RYR2: variants seen among roughly 807,000 people sequenced by gnomAD.
RYR2 encodes ryanodine receptor 2.
A neutral mutation model predicts 601.1 loss-of-function variants in RYR2; 227 were observed. The ratio of observed to expected loss-of-function variants is 0.38; its 90% CI spans 0.34 to 0.42. The LOEUF is 0.42. Among genes scored for constraint, RYR2 ranks in the 10% least tolerant of loss-of-function variants. RYR2 has a pLI of 1.00. For missense variants in RYR2, 4,646 were observed against 6,156.5 expected (o/e 0.75, Z 8.21); for synonymous variants, 2,223 against 2,175.1 (o/e 1.02, Z -0.61).
intron 56 of RYR2, among the ~76,000 whole-genome samples, chr1:237,664,301 T>C (rs914580071): frequency 3.9e-5 from 6 of 152,230 alleles, no homozygotes; most frequent in African/African-American, 1.4e-4. Flanking sequence ...CTATTATGTA[T>C]GCTGCATTGT....
intron 1 of RYR2, among the ~76,000 whole-genome samples, chr1:237,259,548 G>GAA (rs1688319776): frequency 1.5e-5 from 2 of 133,188 alleles, no homozygotes; most frequent in Non-Finnish European, 3.2e-5. Context: ...AAAAAAAAAA[G>GAA]AGAGACTACC....
chr1:237,743,158 G>A (rs1007795039), intron 80 of RYR2, among the ~76,000 whole-genome samples: 1 of 151,844 alleles, frequency 6.6e-6, no homozygotes, highest in African/African-American at 2.4e-5. Context: ...TTACATGTCT[G>A]GACTTTGAGC....
intron 1 of RYR2, among the ~76,000 whole-genome samples, chr1:237,048,778 C>T (rs1162698414): frequency 6.6e-6 from 1 of 152,130 alleles, no homozygotes; most frequent in African/African-American, 2.4e-5. Flanking sequence ...ATCGGTTTCC[C>T]ATGATGCTTG....
At chr1:237,588,912 C>G (rs542358480) in intron 29 of RYR2, among the ~76,000 whole-genome samples, 2 of 152,140 alleles carry the variant, frequency 1.3e-5, no homozygotes, top group African/African-American at 4.8e-5. Context: ...ATCTCATCTC[C>G]TTTCCAAAAA....
At position 237,374,755 on chromosome 1, in the gene RYR2, T is replaced by A; in HGVS notation, c.423T>A (p.Asp141Glu). 6.2e-7 allele frequency: 1 copy of A among 1,613,168 alleles called. No individual in the cohort carries two copies. The highest frequency in any genetic ancestry group is 8.5e-7 in the Non-Finnish European group (1 of 1,179,550). ...TGTCCACCTCCCGGTCTTCAACTGATAAGCTGGCTTTTGATGTTGGCTTGC... is the reference window on the plus strand; with the variant it reads ...TGTCCACCTCCCGGTCTTCAACTGAAAAGCTGGCTTTTGATGTTGGCTTGC... ...CCLSTSRSSTDKLAFDVGLQE... is the reference protein window; with the variant it reads ...CCLSTSRSSTEKLAFDVGLQE... Residue 141 changes from aspartate (D) to glutamate (E), a missense_variant, in exon 7 of 105, where the codon GAT (aspartate) becomes GAA (glutamate). Coordinates refer to ENST00000366574, the MANE Select transcript of RYR2 (RefSeq NM_001035.3).
In RYR2 at chr1:237,377,338, G is replaced by A; in HGVS notation, c.479G>A (p.Trp160Ter). The A allele has an allele frequency of 6.2e-7, 1 of 1,611,374 alleles. No homozygotes were observed. The highest frequency in any genetic ancestry group is 8.5e-7 in the Non-Finnish European group (1 of 1,178,432). ...QEDTTGEACW[W>*]TIHPASKQRS... The stretch of plus-strand genomic sequence containing the variant: ...ATATCTGCAGGGGAGGCTTGTTGGT[G>A]GACCATACACCCTGCCTCTAAGCAG... Residue 160 changes from tryptophan (W) to a stop codon, truncating the protein, a stop_gained, in exon 8 of 105, where the codon TGG becomes TAG. Transcript: ENST00000366574. LOFTEE classifies it high-confidence loss of function.
Position 237,230,184 on chromosome 1 carries a change from A to G in RYR2, c.49-40313A>G, listed in dbSNP as rs116012053. Among the ~76,000 whole-genome samples the G allele has an allele frequency of 6.2e-3, 939 of 152,362 alleles. 9 individuals are homozygous for G. The highest frequency in any genetic ancestry group is 0.021 in the African/African-American group (885 of 41,572). On this transcript the variant is annotated intron_variant, in intron 1 of 104. Transcript: ENST00000366574. ...ATTAAAAACAACCAACTAACAAAAG[A>G]AAACCAAAATTGTTGCTCAGATAGG...
intron 10 of RYR2, among the ~76,000 whole-genome samples, chr1:237,414,748 G>A (rs1408762282): frequency 6.6e-6 from 1 of 152,116 alleles, no homozygotes; most frequent in African/African-American, 2.4e-5. Context: ...TCATGCTATA[G>A]TGCTATCAAA....
chr1:237,608,975 TTTTCC>T (rs1314378439), intron 35 of RYR2, among the ~76,000 whole-genome samples: 1 of 151,814 alleles, frequency 6.6e-6, no homozygotes, highest in African/African-American at 2.4e-5. Context: ...TCTTCTCTTC[TTTTCC>T]TTTCTTCTTT....
intron 1 of RYR2, among the ~76,000 whole-genome samples, chr1:237,075,208 C>T (rs1485183661): frequency 2.0e-5 from 3 of 151,920 alleles, no homozygotes; most frequent in Non-Finnish European, 4.4e-5. Flanking sequence ...ATGCATTTTT[C>T]TCTATGCTTA....
intron 1 of RYR2, among the ~76,000 whole-genome samples, chr1:237,170,449 A>ACCCT (rs1677230620): frequency 6.6e-6 from 1 of 152,062 alleles, no homozygotes; most frequent in South Asian, 2.1e-4. Flanking sequence ...GAGAGCTGTG[A>ACCCT]CCCTCCTCCG....
intron 29 of RYR2, among the ~76,000 whole-genome samples, chr1:237,586,907 A>T (rs1487921113): frequency 2.6e-5 from 4 of 151,858 alleles, no homozygotes; most frequent in Non-Finnish European, 5.9e-5. Context: ...TTTAGTAAAG[A>T]AGGGTTTCAC....
At position 237,715,991 on chromosome 1, in the gene RYR2, C is replaced by G. The variant is rs1689234245; in HGVS notation, c.10324-1207C>G. ...CTAATAAACTTACTGAGAATAATCT[C>G]TTACAAGTTGGTATGTATAAAAATG... is the stretch of plus-strand genomic sequence containing the variant. On this transcript the variant is annotated intron_variant, in intron 71 of 104. Transcript: ENST00000366574. Among the ~76,000 whole-genome samples the G allele has an allele frequency of 2.6e-5, 4 of 152,094 alleles. No homozygotes were observed. The South Asian group carries it at 8.3e-4, about 31-fold the overall frequency.
chr1:237,505,295 A>G (rs796775709), intron 22 of RYR2, among the ~76,000 whole-genome samples: 77 of 152,332 alleles, frequency 5.1e-4, no homozygotes, highest in African/African-American at 1.7e-3. Context: ...TATGAATTCA[A>G]TATCGACTTA....
intron 1 of RYR2, among the ~76,000 whole-genome samples, chr1:237,102,582 A>G (rs1343989880): frequency 6.6e-6 from 1 of 152,204 alleles, no homozygotes; most frequent in African/African-American, 2.4e-5. Flanking sequence ...ACAGGCCGGC[A>G]TGGTGGCTAA....
chr1:237,293,328 T>C (rs1692433487), intron 2 of RYR2, among the ~76,000 whole-genome samples: 1 of 152,196 alleles, frequency 6.6e-6, no homozygotes, highest in Admixed American at 6.5e-5. Flanking sequence ...TGTCTCAGCC[T>C]CTCAAGTAGC....
At chr1:237,791,992 G>T in intron 93 of RYR2, 113 bp from the exon 94 acceptor site, 1 of 736,918 alleles carries the variant, frequency 1.4e-6, no homozygotes, top group Non-Finnish European at 2.3e-6. Context: ...CTTTCATTAT[G>T]CAGTGACTTC....
At position 237,180,271 on chromosome 1, in the gene RYR2, G is replaced by A. The variant is rs1315646040; in HGVS notation, c.49-90226G>A. ...ACAGCTCAGGTGAGGAATGACAAGGGAAGATTCCACGCTGCCTATCCCTAG... is the reference window on the plus strand; with the variant it reads ...ACAGCTCAGGTGAGGAATGACAAGGAAAGATTCCACGCTGCCTATCCCTAG... On this transcript the variant is annotated intron_variant, in intron 1 of 104. Transcript: ENST00000366574. This position sits in a 1 kb window ranked among gnomAD's most constrained non-coding sequence, Gnocchi z 5.3. 6.6e-6 allele frequency among the ~76,000 whole-genome samples: 1 copy of A among 152,116 alleles called. No individual in the cohort carries two copies. The highest frequency in any genetic ancestry group is 2.4e-5 in the African/African-American group (1 of 41,426).
chr1:237,252,458 A>G (rs540960636), intron 1 of RYR2, among the ~76,000 whole-genome samples: 1 of 152,282 alleles, frequency 6.6e-6, no homozygotes, highest in East Asian at 1.9e-4. Flanking sequence ...CCCTGTCGTT[A>G]GAATTCCTGG....
Sources: gnomAD v4.1 joint callset for allele counts (sites outside exome capture counted in the v4.1 genomes callset) on GRCh38, gnomAD v4.1.1 for gene constraint, Gnocchi (gnomAD v3.1) non-coding constraint, MANE v1.5 for transcripts, NCBI Gene and HGNC (gene_info 2026-07-23, HGNC 2026-07-21) for gene names.